Variants in CCBE1 observed in about 807,000 individuals in gnomAD.
CCBE1 encodes collagen and calcium binding EGF domains 1.
A neutral mutation model predicts 50.0 loss-of-function variants in CCBE1; 37 were observed. The ratio of observed to expected loss-of-function variants is 0.74; its 90% CI spans 0.57 to 0.97. The LOEUF is 0.97. Ranked by LOEUF, CCBE1 falls within the 50% of genes least tolerant of loss-of-function variation. The pLI is 0.00. For missense variants in CCBE1, 538 were observed against 523.8 expected (o/e 1.03, Z -0.26); for synonymous variants, 234 against 203.7 (o/e 1.15, Z -1.27).
chr18:59,673,936 T>A (rs2054466399), intron 2 of CCBE1, among the ~76,000 whole-genome samples: 1 of 152,184 alleles, frequency 6.6e-6, no homozygotes, highest in Non-Finnish European at 1.5e-5. Context: ...GGTTTTGGTA[T>A]CAGGATGATG....
chr18:59,677,804 T>C (rs1568268810), intron 2 of CCBE1, among the ~76,000 whole-genome samples: 1 of 152,064 alleles, frequency 6.6e-6, no homozygotes, highest in Non-Finnish European at 1.5e-5. Flanking sequence ...TGACAGAACA[T>C]CTAATGAGTT....
At chr18:59,479,038 G>A (rs922433880) in intron 3 of CCBE1, among the ~76,000 whole-genome samples, 1 of 152,182 alleles carries the variant, frequency 6.6e-6, no homozygotes, top group Non-Finnish European at 1.5e-5. Context: ...AAATGGGAGG[G>A]ATTCATCTGT....
chr18:59,578,049 T>C (rs2053024837), intron 2 of CCBE1, among the ~76,000 whole-genome samples: 1 of 152,194 alleles, frequency 6.6e-6, no homozygotes, highest in Non-Finnish European at 1.5e-5. Flanking sequence ...AGAAAAGTTT[T>C]ACAATCTATC....
intron 6 of CCBE1, among the ~76,000 whole-genome samples, chr18:59,449,420 G>C: frequency 6.6e-6 from 1 of 150,856 alleles, no homozygotes; most frequent in Non-Finnish European, 1.5e-5. Flanking sequence ...TCAAGAGTTC[G>C]AGACCAGCCT....
intron 2 of CCBE1, among the ~76,000 whole-genome samples, chr18:59,539,512 A>G (rs1403604305): frequency 6.6e-6 from 1 of 152,160 alleles, no homozygotes; most frequent in African/African-American, 2.4e-5. Flanking sequence ...ACTCAGCTAA[A>G]CAGGGCCCAA....
chr18:59,593,963 G>A (rs1304117757), intron 2 of CCBE1, among the ~76,000 whole-genome samples: 1 of 152,166 alleles, frequency 6.6e-6, no homozygotes, highest in African/African-American at 2.4e-5. Context: ...TTCTTACCTT[G>A]TGCATTCAAG....
intron 3 of CCBE1, among the ~76,000 whole-genome samples, chr18:59,470,837 A>G (rs1911997538): frequency 6.6e-6 from 1 of 152,142 alleles, no homozygotes; most frequent in Admixed American, 6.5e-5. Flanking sequence ...ATGAAGGTGA[A>G]CGGGTGGGCT....
intron 2 of CCBE1, among the ~76,000 whole-genome samples, chr18:59,516,693 A>G (rs1272094426): frequency 6.6e-6 from 1 of 152,106 alleles, no homozygotes; most frequent in Non-Finnish European, 1.5e-5. Context: ...CTAAGTTTCT[A>G]TTTAATTGGT....
chr18:59,644,294 C>G (rs900205262), intron 2 of CCBE1, among the ~76,000 whole-genome samples: 1 of 152,212 alleles, frequency 6.6e-6, no homozygotes. Context: ...TCCTGCTGTG[C>G]GGTCCAGTAC....
At chr18:59,474,014 T>G (rs1912189721) in intron 3 of CCBE1, among the ~76,000 whole-genome samples, 1 of 152,220 alleles carries the variant, frequency 6.6e-6, no homozygotes, top group African/African-American at 2.4e-5. Context: ...CTATGTTAGT[T>G]TGCTTAGGAT....
chr18:59,538,968 A>G (rs926513682), intron 2 of CCBE1, among the ~76,000 whole-genome samples: 11 of 152,284 alleles, frequency 7.2e-5, no homozygotes, highest in Middle Eastern at 6.8e-3. Flanking sequence ...GCTTGAGGCC[A>G]GGAGTTTGAG....
At chr18:59,480,285 A>G (rs765332152) in intron 2 of CCBE1, 47 bp from the exon 3 acceptor site, 2 of 1,375,094 alleles carry the variant, frequency 1.5e-6, no homozygotes, top group Non-Finnish European at 1.0e-6. Flanking sequence ...GGCTAAAAAT[A>G]AAATTCTTTC....
At chr18:59,577,522 T>C (rs556195757) in intron 2 of CCBE1, among the ~76,000 whole-genome samples, 2 of 152,332 alleles carry the variant, frequency 1.3e-5, no homozygotes, top group East Asian at 1.9e-4. Context: ...GATGAAAATA[T>C]GCTCAAATTT....
chr18:59,598,638 T>G (rs565636279), intron 2 of CCBE1, among the ~76,000 whole-genome samples: 2 of 152,332 alleles, frequency 1.3e-5, no homozygotes, highest in African/African-American at 4.8e-5. Flanking sequence ...TTCCACCATT[T>G]ATCCATGTAG....
At chr18:59,562,573 C>A (rs1438655114) in intron 2 of CCBE1, among the ~76,000 whole-genome samples, 1 of 152,222 alleles carries the variant, frequency 6.6e-6, no homozygotes, top group African/African-American at 2.4e-5. Flanking sequence ...TGCTTTCTAC[C>A]CGAGTTACTT....
intron 2 of CCBE1, among the ~76,000 whole-genome samples, chr18:59,565,149 C>T (rs2052802128): frequency 6.6e-6 from 1 of 152,170 alleles, no homozygotes; most frequent in South Asian, 2.1e-4. Context: ...ACTCTGGAGT[C>T]TGTCATGCTT....
chr18:59,468,059 A>C (rs1911837142), intron 4 of CCBE1, among the ~76,000 whole-genome samples: 1 of 152,170 alleles, frequency 6.6e-6, no homozygotes, highest in Non-Finnish European at 1.5e-5. Flanking sequence ...CTCTTAGTAG[A>C]AGCCAAGTTC....
intron 2 of CCBE1, among the ~76,000 whole-genome samples, chr18:59,507,939 G>A (rs1445851256): frequency 6.7e-6 from 1 of 148,172 alleles, no homozygotes; most frequent in Non-Finnish European, 1.5e-5. Flanking sequence ...TCACCAGGCT[G>A]AAGGGCAGTG....
chr18:59,488,645 A>G (rs1048561448), intron 2 of CCBE1, among the ~76,000 whole-genome samples: 1 of 152,202 alleles, frequency 6.6e-6, no homozygotes, highest in Non-Finnish European at 1.5e-5. Context: ...TGTACTCCCC[A>G]GGTGAGAATC....
Sources: allele counts gnomAD v4.1 joint callset (sites outside exome capture counted in the v4.1 genomes callset), GRCh38; gene constraint gnomAD v4.1.1; transcripts MANE v1.5; gene names NCBI Gene and HGNC (gene_info 2026-07-23, HGNC 2026-07-21).